LRFN2: variants seen among roughly 807,000 people sequenced by gnomAD.
The protein encoded by LRFN2 is leucine rich repeat and fibronectin type III domain containing 2, also known as leucine-rich repeat and fibronectin type-III domain-containing protein 2.
In LRFN2, 18 loss-of-function variants were observed where a neutral mutation model predicts 37.3. The ratio of observed to expected loss-of-function variants is 0.48; its 90% CI spans 0.33 to 0.72. The LOEUF (loss-of-function observed/expected upper bound fraction) is 0.72, where lower values mean the gene tolerates loss of function less well. Among genes scored for constraint, LRFN2 ranks in the 30% least tolerant of loss-of-function variants. LRFN2 has a pLI of 0.02. For synonymous variants in LRFN2, 556 were observed against 466.6 expected (o/e 1.19, Z -2.47); for missense variants, 1,006 against 1,060.7 (o/e 0.95, Z 0.72).
chr6:40,452,330 T>TCTCCATGTCC (rs1486563316), intron 1 of LRFN2, among the ~76,000 whole-genome samples: 1 of 152,154 alleles, frequency 6.6e-6, no homozygotes, highest in Non-Finnish European at 1.5e-5. Context: ...AAATCTTGGG[T>TCTCCATGTCC]CAACCATGCC....
chr6:40,421,622 T>G (rs1225254569), intron 2 of LRFN2, among the ~76,000 whole-genome samples: 1 of 152,092 alleles, frequency 6.6e-6, no homozygotes, highest in Non-Finnish European at 1.5e-5. Context: ...AGATTGTAAA[T>G]GTTTCTTATC....
intron 2 of LRFN2, among the ~76,000 whole-genome samples, chr6:40,407,647 T>C (rs1229586351): frequency 6.6e-6 from 1 of 152,236 alleles, no homozygotes; most frequent in African/African-American, 2.4e-5. Flanking sequence ...AGATCAATTA[T>C]ACCTTGTTAT....
rs539211841 is a variant in LRFN2, at chr6:40,392,272, C to T, written c.2041G>A (p.Gly681Arg). The change falls in exon 3 of 3, where the codon GGG becomes AGG. Residue 681 changes from glycine to arginine, a missense_variant. Physicochemically the swap from Gly to Arg is moderately radical, Grantham distance 125. This residue lies in a region of LRFN2 where 398 missense variants were observed against 327.6 expected (regional missense o/e 1.21). Transcript: ENST00000338305. The surrounding 1 kb of genome is among the most constrained non-coding windows in gnomAD (Gnocchi z 4.7). The part of the protein sequence containing the change: ...EELLDSRTPA[G>R]RGAGTSARGH... ...CGGGCCGACGTCCCAGCCCCTCTCC[C>T]GGCTGGAGTCCTGGAGTCCAGCAGC... is the stretch of plus-strand genomic sequence containing the variant. 24 of 1,599,858 alleles carry T rather than the reference C, an allele frequency of 1.5e-5. 1 individual carries two copies. In the South Asian group the frequency reaches 2.4e-4, roughly 16 times the overall value.
intron 1 of LRFN2, among the ~76,000 whole-genome samples, chr6:40,520,866 C>T (rs1766042891): frequency 6.6e-6 from 1 of 152,180 alleles, no homozygotes; most frequent in East Asian, 1.9e-4. Context: ...ACCGAGCACC[C>T]TCAGAGGGGC....
At chr6:40,428,417 A>G (rs1011529477) in intron 2 of LRFN2, among the ~76,000 whole-genome samples, 1 of 152,054 alleles carries the variant, frequency 6.6e-6, no homozygotes, top group Admixed American at 6.5e-5. Flanking sequence ...CCCTTCTTTT[A>G]TATACCTTCC....
intron 1 of LRFN2, among the ~76,000 whole-genome samples, chr6:40,477,413 T>C (rs1764733685): frequency 6.6e-6 from 1 of 152,186 alleles, no homozygotes; most frequent in Non-Finnish European, 1.5e-5. Flanking sequence ...GTTATCTACG[T>C]TGTCTGTGGT....
intron 2 of LRFN2, among the ~76,000 whole-genome samples, chr6:40,399,375 C>T (rs2113795435): frequency 6.6e-6 from 1 of 151,486 alleles, no homozygotes; most frequent in East Asian, 1.9e-4. Context: ...TGAGCAGCTC[C>T]ATCATCCCTG....
chr6:40,438,669 G>A (rs902731802), intron 1 of LRFN2, among the ~76,000 whole-genome samples: 1 of 152,150 alleles, frequency 6.6e-6, no homozygotes, highest in Non-Finnish European at 1.5e-5. Flanking sequence ...GGTTTGCTTA[G>A]TAACTGGTGG....
Position 40,414,674 on chromosome 6 carries a change from G to A in LRFN2, c.1400+17040C>T, listed in dbSNP as rs574084513. On this transcript the variant is annotated intron_variant, in intron 2 of 2. Transcript: ENST00000338305. The stretch of plus-strand genomic sequence containing the variant: ...CATTAAAACATATAAAATCGGACAC[G>A]CAAAATTTGTTAATGTTTTATTGAA... Among the ~76,000 whole-genome samples, 7 of 152,250 alleles carry A rather than the reference G, an allele frequency of 4.6e-5. No homozygotes were observed. The East Asian group carries it at 5.8e-4, about 13-fold the overall frequency.
rs147969815 is a variant in LRFN2 at position 40,431,775 on chromosome 6, G to A, written c.1339C>T (p.Pro447Ser). 1.3e-6 allele frequency: 2 copies of A among 1,531,538 alleles called. No individual in the cohort carries two copies. The highest frequency in any genetic ancestry group is 1.4e-5 in the African/African-American group (1 of 72,604). The allele number at this position is 1,531,538 out of a possible 1,614,324, so 94.9% of individuals were successfully genotyped here. A position where few individuals can be genotyped will look rare whatever the true frequency, so the allele number is the denominator to read the frequency against. ...TGCAGCTGGTACATCTTCACCCGGG[G>A]TGCTGACTTGCTGACAGACCACTTG... is the stretch of plus-strand genomic sequence containing the variant. ...LVKWSVSKSA[P>S]RVKMYQLQYN... Residue 447 changes from proline (P) to serine (S), a missense_variant, in exon 2 of 3, where the codon CCC becomes TCC. Transcript: ENST00000338305.
intron 1 of LRFN2, among the ~76,000 whole-genome samples, chr6:40,438,819 T>C (rs1763757438): frequency 6.6e-6 from 1 of 151,980 alleles, no homozygotes; most frequent in Non-Finnish European, 1.5e-5. Context: ...TAATAGTGAG[T>C]CTCTCACACA....
At chr6:40,516,600 G>A (rs1765883038) in intron 1 of LRFN2, among the ~76,000 whole-genome samples, 1 of 152,142 alleles carries the variant, frequency 6.6e-6, no homozygotes, top group Non-Finnish European at 1.5e-5. Flanking sequence ...AAAATTACCT[G>A]CCAAATGGGT....
At chr6:40,582,601 C>T (rs1270832083) in intron 1 of LRFN2, among the ~76,000 whole-genome samples, 2 of 151,688 alleles carry the variant, frequency 1.3e-5, no homozygotes, top group African/African-American at 2.4e-5. Flanking sequence ...AGGCCCAGAC[C>T]TGTTCAAATC....
At chr6:40,550,940 G>A (rs1419967988) in intron 1 of LRFN2, among the ~76,000 whole-genome samples, 2 of 152,202 alleles carry the variant, frequency 1.3e-5, no homozygotes, top group Non-Finnish European at 2.9e-5. Flanking sequence ...TGCATATGTA[G>A]TACAAGAGTA....
intron 1 of LRFN2, among the ~76,000 whole-genome samples, chr6:40,443,164 GTTTGGTCTATC>G (rs1429734639): frequency 4.6e-5 from 7 of 152,164 alleles, no homozygotes; most frequent in African/African-American, 1.7e-4. Flanking sequence ...TACCGGCAAG[GTTTGGTCTATC>G]CTTGGCTTTG....
At chr6:40,523,753 G>A (rs563102864) in intron 1 of LRFN2, 1 of 152,222 alleles carries the variant, frequency 6.6e-6, no homozygotes, top group Non-Finnish European at 1.5e-5. Flanking sequence ...AAGGCCACAA[G>A]GCAGTCCCGT....
At chr6:40,451,563 A>G (rs184657702) in intron 1 of LRFN2, among the ~76,000 whole-genome samples, 96 of 152,304 alleles carry the variant, frequency 6.3e-4, no homozygotes, top group African/African-American at 2.0e-3. Context: ...CAATCCTCAG[A>G]CTTAATGAGC....
chr6:40,464,063 G>A (rs1764405600), intron 1 of LRFN2, among the ~76,000 whole-genome samples: 2 of 152,098 alleles, frequency 1.3e-5, no homozygotes. Context: ...CTGTCTCTTA[G>A]CCCCATTCTA....
chr6:40,568,751 C>T (rs748663409), intron 1 of LRFN2, among the ~76,000 whole-genome samples: 37 of 144,082 alleles, frequency 2.6e-4, no homozygotes, highest in African/African-American at 3.2e-4. Flanking sequence ...GACGGAGTTT[C>T]GCTCTTGTTG....
Sources: allele counts gnomAD v4.1 joint callset (sites outside exome capture counted in the v4.1 genomes callset), GRCh38; gene constraint gnomAD v4.1.1; regional missense constraint gnomAD v4.1.1; non-coding constraint Gnocchi (gnomAD v3.1); transcripts MANE v1.5; gene names NCBI Gene and HGNC (gene_info 2026-07-23, HGNC 2026-07-21).